EYS: variants seen among roughly 807,000 people sequenced by gnomAD.
EYS encodes EGF-like photoreceptor maintenance factor.
EYS carries 250 observed loss-of-function variants against 282.1 expected under a neutral mutation model. The ratio of observed to expected loss-of-function variants is 0.89; its 90% CI spans 0.80 to 0.98. The LOEUF is 0.98. Among genes scored for constraint, EYS ranks in the 50% least tolerant of loss-of-function variants. The probability of loss-of-function intolerance (pLI) is 0.00; values close to 1 mark genes in which losing one functional copy is unlikely to be tolerated. For synonymous variants in EYS, 1,355 were observed against 1,282.9 expected (o/e 1.06, Z -1.20); for missense variants, 4,016 against 3,709.0 (o/e 1.08, Z -2.15).
chr6:64,704,601 C>A (rs955431950), intron 22 of EYS, among the ~76,000 whole-genome samples: 5 of 149,428 alleles, frequency 3.3e-5, no homozygotes, highest in Admixed American at 2.0e-4. Context: ...ATGACATTGT[C>A]CCATGGAATA....
chr6:64,133,711 T>C (rs901653014), intron 31 of EYS, among the ~76,000 whole-genome samples: 1 of 152,152 alleles, frequency 6.6e-6, no homozygotes, highest in Admixed American at 6.6e-5. Context: ...ATGTATCTTT[T>C]CCCTAGAACC....
At chr6:64,337,221 A>C (rs989544271) in intron 29 of EYS, among the ~76,000 whole-genome samples, 1 of 152,066 alleles carries the variant, frequency 6.6e-6, no homozygotes. Flanking sequence ...AATACAATTA[A>C]TAGACCATTA....
chr6:64,356,645 C>T (rs535202348), intron 29 of EYS, among the ~76,000 whole-genome samples: 9 of 151,634 alleles, frequency 5.9e-5, no homozygotes, highest in South Asian at 2.1e-4. Flanking sequence ...TGGAAGAATT[C>T]GTTGATCAGA....
intron 24 of EYS, among the ~76,000 whole-genome samples, chr6:64,614,023 T>C (rs1042742607): frequency 6.6e-6 from 1 of 152,044 alleles, no homozygotes; most frequent in African/African-American, 2.4e-5. Context: ...CATTCGAAGG[T>C]CACAGACCAG....
intron 12 of EYS, among the ~76,000 whole-genome samples, chr6:65,168,904 C>T (rs1473703008): frequency 1.3e-5 from 2 of 151,310 alleles, no homozygotes; most frequent in Non-Finnish European, 3.0e-5. Context: ...GAGATCATGG[C>T]TGATATCTCT....
intron 2 of EYS, among the ~76,000 whole-genome samples, chr6:65,617,198 A>C (rs137899698): frequency 0.013 from 1,965 of 151,986 alleles, 15 homozygotes; most frequent in Non-Finnish European, 0.016. Context: ...GTTGACCTGG[A>C]GAAAAAAAAT....
intron 26 of EYS, among the ~76,000 whole-genome samples, chr6:64,486,190 T>C (rs1359417650): frequency 6.6e-6 from 1 of 151,526 alleles, no homozygotes; most frequent in Non-Finnish European, 1.5e-5. Context: ...TGGAAAGTTA[T>C]GCTTAAATTG....
chr6:65,359,699 A>G (rs1251837872), intron 8 of EYS, among the ~76,000 whole-genome samples: 1 of 152,012 alleles, frequency 6.6e-6, no homozygotes, highest in Non-Finnish European at 1.5e-5. Flanking sequence ...TCCTTCATAT[A>G]GGCAGATATT....
intron 36 of EYS, among the ~76,000 whole-genome samples, chr6:63,841,574 T>C (rs1366858461): frequency 2.0e-5 from 3 of 152,152 alleles, no homozygotes; most frequent in Non-Finnish European, 4.4e-5. Flanking sequence ...TATTTTGTAA[T>C]GAACTGCAAT....
intron 1 of EYS, among the ~76,000 whole-genome samples, chr6:65,703,282 T>C (rs1476703089): frequency 2.0e-5 from 3 of 152,128 alleles, no homozygotes; most frequent in Non-Finnish European, 4.4e-5. Flanking sequence ...CATGCACATA[T>C]ACAGGCAGAT....
At chr6:64,335,409 T>C (rs992432815) in intron 29 of EYS, among the ~76,000 whole-genome samples, 1 of 151,984 alleles carries the variant, frequency 6.6e-6, no homozygotes, top group African/African-American at 2.4e-5. Context: ...GCCTGCAGGG[T>C]CACAAGACTG....
At chr6:65,493,747 T>C (rs1460092022) in intron 4 of EYS, among the ~76,000 whole-genome samples, 2 of 152,206 alleles carry the variant, frequency 1.3e-5, no homozygotes, top group Non-Finnish European at 2.9e-5. Context: ...CCTTTTCTGA[T>C]TATTGCCTTT....
chr6:64,713,473 C>CAA, intron 22 of EYS: 1 of 152,076 alleles, frequency 6.6e-6, no homozygotes, highest in Non-Finnish European at 1.5e-5. Flanking sequence ...ACCATTCTCT[C>CAA]CATTTGTTCA....
chr6:64,292,085 G>C (rs1050313489), intron 30 of EYS, among the ~76,000 whole-genome samples: 9 of 152,202 alleles, frequency 5.9e-5, no homozygotes, highest in African/African-American at 2.2e-4. Context: ...TATGTCAGTA[G>C]TAAGCAACAC....
intron 31 of EYS, among the ~76,000 whole-genome samples, chr6:64,155,666 A>T (rs1774891996): frequency 6.6e-6 from 1 of 152,168 alleles, no homozygotes; most frequent in Admixed American, 6.5e-5. Context: ...CAGAAAAAGG[A>T]AGGGTTGAAA....
chr6:63,920,606 T>G (rs553726503), intron 35 of EYS, among the ~76,000 whole-genome samples: 1 of 152,274 alleles, frequency 6.6e-6, no homozygotes, highest in South Asian at 2.1e-4. Context: ...GGTGTGAAAA[T>G]AAAATTCAGG....
intron 31 of EYS, among the ~76,000 whole-genome samples, chr6:64,117,430 G>T (rs956696440): frequency 6.0e-5 from 9 of 151,202 alleles, no homozygotes; most frequent in Admixed American, 4.6e-4. Flanking sequence ...CTAAGAGTTG[G>T]TTTTTTAAAA....
chr6:64,482,746 T>C (rs986395230), intron 26 of EYS, among the ~76,000 whole-genome samples: 3 of 151,760 alleles, frequency 2.0e-5, no homozygotes, highest in Admixed American at 6.6e-5. Context: ...TCTTTTTGCT[T>C]ACAATTTGCA....
At chr6:64,981,053 C>T (rs1323379511) in intron 14 of EYS, among the ~76,000 whole-genome samples, 4 of 151,148 alleles carry the variant, frequency 2.6e-5, no homozygotes, top group Non-Finnish European at 4.4e-5. Flanking sequence ...ATCAATAAAT[C>T]AATAATTATA....
Sources: allele counts gnomAD v4.1 joint callset (sites outside exome capture counted in the v4.1 genomes callset), GRCh38; gene constraint gnomAD v4.1.1; transcripts MANE v1.5; gene names NCBI Gene and HGNC (gene_info 2026-07-23, HGNC 2026-07-21).